Variants in PP2D1 observed in about 807,000 individuals in gnomAD.
The protein encoded by PP2D1 is protein phosphatase 2C-like domain-containing protein 1.
PP2D1 carries 25 observed loss-of-function variants against 30.2 expected under a neutral mutation model. The observed-to-expected ratio is 0.83, with a 90% CI of 0.60 to 1.16. The LOEUF (loss-of-function observed/expected upper bound fraction) is 1.16. PP2D1 is among the 50% of genes most tolerant of loss of function. The pLI is 0.00. For synonymous variants in PP2D1, 260 were observed against 258.9 expected (o/e 1.00, Z -0.04); for missense variants, 760 against 742.4 (o/e 1.02, Z -0.28).
chr3:19,992,325 G>A (rs1015848207), intron 2 of PP2D1, among the ~76,000 whole-genome samples: 5 of 152,126 alleles, frequency 3.3e-5, no homozygotes, highest in African/African-American at 1.2e-4. Flanking sequence ...AGGTTTGTAA[G>A]CATGTGAGAG....
At chr3:19,990,995 G>A (rs915490383) in intron 2 of PP2D1, among the ~76,000 whole-genome samples, 25 of 152,322 alleles carry the variant, frequency 1.6e-4, no homozygotes. Flanking sequence ...GCAATGAACT[G>A]TGTTGAAGAC....
chr3:19,994,424 A>G (rs1350643175), intron 2 of PP2D1, among the ~76,000 whole-genome samples: 1 of 152,198 alleles, frequency 6.6e-6, no homozygotes, highest in Non-Finnish European at 1.5e-5. Context: ...TGAGTCCAAG[A>G]GTTCGAGACC....
Position 20,001,369 on chromosome 3 carries a change from A to T in PP2D1, c.751T>A (p.Phe251Ile), listed in dbSNP as rs117216652. ...TATTCTTCTCTAAACACAGTGTAAA[A>T]GGAATTGATTATTTGTTGCTCATCA... The part of the protein sequence containing the change: ...TTDEQQIINS[F>I]YTVFREEYAA... Residue 251 changes from phenylalanine (F) to isoleucine (I), a missense_variant, in exon 2 of 3, where the codon TTT (phenylalanine) becomes ATT (isoleucine). By Grantham distance (21) the Phe-to-Ile change is conservative. This residue lies in a region of PP2D1 where 374 missense variants were observed against 388.8 expected (regional missense o/e 0.96). Coordinates refer to ENST00000389050, the MANE Select transcript of PP2D1 (RefSeq NM_001252657.2). 2.6e-6 allele frequency: 4 copies of T among 1,536,456 alleles called. No individual in the cohort carries two copies. In the East Asian group the frequency reaches 7.3e-5, roughly 28 times the overall value.
chr3:19,990,237 C>G (rs62241319), intron 2 of PP2D1, among the ~76,000 whole-genome samples: 21,406 of 152,028 alleles, frequency 0.14, 1,853 homozygotes, highest in Non-Finnish European at 0.2. Context: ...CTTGACCTCC[C>G]TGGGCTCAGG....
intron 2 of PP2D1, among the ~76,000 whole-genome samples, chr3:19,994,251 A>C (rs1014793749): frequency 2.6e-5 from 4 of 152,146 alleles, no homozygotes; most frequent in African/African-American, 9.7e-5. Context: ...CCAAAGAGAG[A>C]AAGAGGGAAG....
In PP2D1 at chr3:20,007,104, T is replaced by C. The variant is rs1575089465; in HGVS notation, c.23+4946A>G. ...CCCAGGCTCGTCTTGAACTCCTGAC[T>C]CAAGTGATCCGCCCAGCTCTGCCTC... On this transcript the variant is annotated intron_variant, in intron 1 of 2. Transcript: ENST00000389050. Among the ~76,000 whole-genome samples the C allele has an allele frequency of 3.3e-5, 5 of 152,016 alleles. No individual in the cohort carries two copies. The South Asian group carries it at 1.0e-3, about 32-fold the overall frequency.
intron 2 of PP2D1, among the ~76,000 whole-genome samples, chr3:19,988,013 C>G (rs1697063568): frequency 6.6e-6 from 1 of 152,188 alleles, no homozygotes; most frequent in Non-Finnish European, 1.5e-5. Context: ...TTAATCCTGT[C>G]ATCTTCGTAA....
intron 2 of PP2D1, among the ~76,000 whole-genome samples, chr3:19,992,384 T>C (rs1575084452): frequency 6.6e-6 from 1 of 152,142 alleles, no homozygotes. Context: ...AGGGAAGGTA[T>C]ATAAAATGTC....
downstream of PP2D1, chr3:19,984,114 T>C: frequency 2.5e-6 from 1 of 404,802 alleles, no homozygotes; most frequent in Admixed American, 4.1e-5. Context: ...GACAAATGAC[T>C]GTCTGGGCCC....
chr3:20,005,728 A>C (rs2125146568), intron 1 of PP2D1, among the ~76,000 whole-genome samples: 1 of 152,232 alleles, frequency 6.6e-6, no homozygotes, highest in Admixed American at 6.5e-5. Context: ...ATAATAATGA[A>C]ATATATTTTA....
chr3:19,990,337 G>A lies in PP2D1; in HGVS notation c.1091-4155C>T, dbSNP rs568800409. Among the ~76,000 whole-genome samples the A allele has an allele frequency of 1.6e-4, 24 of 152,264 alleles. 1 individual carries two copies. In the South Asian group the frequency reaches 5.0e-3, roughly 32 times the overall value. On this transcript the variant is annotated intron_variant, in intron 2 of 2. Transcript: ENST00000389050. ...TTTCTGCATTTTTTTGTAGAGACAG[G>A]CTTTCGCTATGTTGCCCGGGCTGGT... is the stretch of plus-strand genomic sequence containing the variant.
downstream of PP2D1, chr3:19,984,265 G>C (rs759393574): frequency 2.8e-5 from 12 of 430,266 alleles, no homozygotes; most frequent in African/African-American, 6.3e-5. Context: ...CTTAGCCATA[G>C]TATTCAGGCA....
chr3:20,000,916 C>A, intron 2 of PP2D1, 114 bp downstream of exon 2: 1 of 485,800 alleles, frequency 2.1e-6, no homozygotes, highest in Non-Finnish European at 3.3e-6. Context: ...AATGCAATTT[C>A]TAGGTACTAA....
chr3:19,983,403 G>A (rs767047598), downstream of PP2D1, among the ~76,000 whole-genome samples: 46 of 151,140 alleles, frequency 3.0e-4, no homozygotes, highest in Admixed American at 1.8e-3. Context: ...AACTTTTCTG[G>A]TATTATTGAG....
At chr3:19,980,017 T>A (rs1212840052) in exon 4 of PP2D1, 1 of 152,240 alleles carries the variant, frequency 6.6e-6, no homozygotes, top group Admixed American at 6.5e-5. Context: ...TAATGGTACT[T>A]CATTCGAAAT....
In PP2D1 at chr3:19,985,359, G is replaced by C; in HGVS notation, c.*21C>G. 26 of 1,481,130 alleles carry C rather than the reference G, an allele frequency of 1.8e-5. No individual in the cohort carries two copies. Among genetic ancestry groups the C allele is most frequent in the Non-Finnish European group, 2.3e-5 (26 of 1,108,126 alleles). 91.7% of individuals were successfully genotyped at this position (1,481,130 alleles called of 1,614,324 possible). A position where few individuals can be genotyped will look rare whatever the true frequency, so the allele number is the denominator to read the frequency against. ...AATCACTTTATATTTTGGTGCTCTG[G>C]ATAATTGGAACTTTATTTTTTTATG... On this transcript the variant is annotated 3_prime_UTR_variant, in exon 3 of 3. Transcript: ENST00000389050.
In PP2D1 at chr3:20,001,305, G is replaced by C; in HGVS notation, c.815C>G (p.Thr272Arg). 3.9e-6 allele frequency: 6 copies of C among 1,535,748 alleles called. No individual in the cohort carries two copies. Among genetic ancestry groups the C allele is most frequent in the Non-Finnish European group, 5.2e-6 (6 of 1,146,614 alleles). Residue 272 changes from threonine to arginine, a missense_variant, in exon 2 of 3, where the codon ACA (threonine) becomes AGA (arginine). By Grantham distance (71) the Thr-to-Arg change is moderately conservative (BLOSUM62 -1). Coordinates refer to ENST00000389050, the MANE Select transcript of PP2D1 (RefSeq NM_001252657.2). ...IEDLFSAINK[T>R]EAVRCEYEDT... is the part of the protein sequence containing the mutation. ...CTCATACTCACACCTCACTGCTTCT[G>C]TTTTGTTTATGGCAGAAAAGAGGTC... is the stretch of plus-strand genomic sequence containing the variant.
intron 1 of PP2D1, among the ~76,000 whole-genome samples, chr3:20,008,418 T>G (rs2125148234): frequency 6.6e-6 from 1 of 152,044 alleles, no homozygotes; most frequent in South Asian, 2.1e-4. Flanking sequence ...AAATACAAAA[T>G]TACCTAGGAG....
At chr3:20,004,248 C>T (rs989557328) in intron 1 of PP2D1, among the ~76,000 whole-genome samples, 29 of 152,156 alleles carry the variant, frequency 1.9e-4, no homozygotes, top group Non-Finnish European at 3.1e-4. Flanking sequence ...ACTACAGTAA[C>T]GCACTGTACA....
Sources: allele counts gnomAD v4.1 joint callset (sites outside exome capture counted in the v4.1 genomes callset), GRCh38; gene constraint gnomAD v4.1.1; regional missense constraint gnomAD v4.1.1; transcripts MANE v1.5; gene names NCBI Gene and HGNC (gene_info 2026-07-23, HGNC 2026-07-21).